SVOP: variants seen among roughly 807,000 people sequenced by gnomAD.
The protein encoded by SVOP is synaptic vesicle 2-related protein.
Under a neutral mutation model 69.1 loss-of-function variants are expected in SVOP, and 17 were observed. The ratio of observed to expected loss-of-function variants is 0.25; its 90% CI spans 0.17 to 0.37. SVOP has a LOEUF of 0.37. Ranked by LOEUF, SVOP falls within the 10% of genes least tolerant of loss-of-function variation. The pLI is 1.00. For synonymous variants in SVOP, 238 were observed against 238.6 expected (o/e 1.00, Z 0.02); for missense variants, 435 against 597.5 (o/e 0.73, Z 2.84).
intron 5 of SVOP, among the ~76,000 whole-genome samples, chr12:108,965,553 CAT>C (rs1414782121): frequency 6.6e-6 from 1 of 152,134 alleles, no homozygotes; most frequent in Non-Finnish European, 1.5e-5. Flanking sequence ...CCAAAAAACA[CAT>C]AACTTTATTT....
chr12:108,982,205 C>A (rs1229967003), intron 2 of SVOP, among the ~76,000 whole-genome samples: 1 of 151,526 alleles, frequency 6.6e-6, no homozygotes, highest in Non-Finnish European at 1.5e-5. Flanking sequence ...TCATCATGAT[C>A]TCCATCATCA....
At position 108,925,219 on chromosome 12, in the gene SVOP, ATCT is replaced by A. The variant is rs1448441948; in HGVS notation, c.1049-2425_1049-2423del. 5.9e-5 allele frequency among the ~76,000 whole-genome samples: 9 copies of A among 152,290 alleles called. No homozygotes were observed. The East Asian group carries it at 1.7e-3, about 29-fold the overall frequency. On this transcript the variant is annotated intron_variant, in intron 11 of 15. Transcript: ENST00000610966. Reference sequence around the variant, plus strand: ...GTTTATAAGCCATCCAGGAGGTCGGATCTTCAGTGTGAACTGCTTGTTTCTCCT... The same window carrying A: ...GTTTATAAGCCATCCAGGAGGTCGGATCAGTGTGAACTGCTTGTTTCTCCT...
At chr12:108,991,473 T>G (rs2040200326) in intron 1 of SVOP, among the ~76,000 whole-genome samples, 1 of 148,350 alleles carries the variant, frequency 6.7e-6, no homozygotes, top group African/African-American at 2.4e-5. Context: ...TTGTTTGTTT[T>G]GAGACAGAAT....
At chr12:108,919,148 C>T (rs1255493720) in intron 13 of SVOP, among the ~76,000 whole-genome samples, 2 of 151,548 alleles carry the variant, frequency 1.3e-5, no homozygotes, top group East Asian at 1.9e-4. Flanking sequence ...GGGCCAATAC[C>T]CACACCTGGG....
chr12:109,009,609 T>A (rs2040329891), intron 1 of SVOP, among the ~76,000 whole-genome samples: 1 of 151,988 alleles, frequency 6.6e-6, no homozygotes, highest in South Asian at 2.1e-4. Context: ...GAGATGGGGT[T>A]TCACCATGTT....
intron 1 of SVOP, among the ~76,000 whole-genome samples, chr12:109,007,795 T>G (rs1466058216): frequency 3.9e-5 from 6 of 152,114 alleles, no homozygotes; most frequent in African/African-American, 1.4e-4. Context: ...TCCCAACACT[T>G]GGGAGGCTGA....
intron 11 of SVOP, among the ~76,000 whole-genome samples, chr12:108,933,207 T>C (rs1466479908): frequency 6.6e-6 from 1 of 152,100 alleles, no homozygotes; most frequent in African/African-American, 2.4e-5. Flanking sequence ...TGTGAATAAA[T>C]AAATAAATAA....
intron 5 of SVOP, among the ~76,000 whole-genome samples, chr12:108,966,829 G>T (rs2040048407): frequency 6.6e-6 from 1 of 152,176 alleles, no homozygotes; most frequent in East Asian, 1.9e-4. Context: ...GGATAATTCA[G>T]TTATGTCTCC....
rs1338387679 is a variant in SVOP at position 108,910,651 on chromosome 12, AC to A, written c.*1883del. The A allele has an allele frequency of 6.6e-6, 1 of 152,164 alleles. No individual in the cohort carries two copies. Among genetic ancestry groups the A allele is most frequent in the Non-Finnish European group, 1.5e-5 (1 of 68,026 alleles). The allele number at this position is 152,164 out of a possible 1,614,324, so 9.4% of individuals were successfully genotyped here. On this transcript the variant is annotated 3_prime_UTR_variant, in exon 16 of 16. Coordinates refer to ENST00000610966, the MANE Select transcript of SVOP (RefSeq NM_018711.5). ...CAGTATTGTTTGCAGTTGATTTAGAACTTGAGCTGGAAGAAGTCCCCCATCA... is the reference window on the plus strand; with the variant it reads ...CAGTATTGTTTGCAGTTGATTTAGAATTGAGCTGGAAGAAGTCCCCCATCA...
At chr12:108,983,962 A>G (rs954123956) in intron 1 of SVOP, among the ~76,000 whole-genome samples, 25 of 152,318 alleles carry the variant, frequency 1.6e-4, no homozygotes, top group Admixed American at 1.6e-3. Context: ...GGACTGCCAT[A>G]TACAGTTGAG....
chr12:108,996,156 TCAG>T (rs1166749562), intron 1 of SVOP, among the ~76,000 whole-genome samples: 2 of 152,098 alleles, frequency 1.3e-5, no homozygotes, highest in African/African-American at 4.8e-5. Flanking sequence ...TCACTTGAAG[TCAG>T]GAGTTTGAGA....
chr12:108,959,046 C>T (rs371189559), intron 6 of SVOP, among the ~76,000 whole-genome samples: 1 of 152,210 alleles, frequency 6.6e-6, no homozygotes, highest in African/African-American at 2.4e-5. Flanking sequence ...CATCCTAGAA[C>T]AGGGACCATG....
rs2039690141 is a variant in SVOP, at chr12:108,912,473, T to G, written c.*62A>C. 3 of 1,604,642 alleles carry G rather than the reference T, an allele frequency of 1.9e-6. No homozygotes were observed. In the African/African-American group the frequency reaches 4.0e-5, roughly 21 times the overall value. On this transcript the variant is annotated 3_prime_UTR_variant, in exon 16 of 16. Coordinates refer to ENST00000610966, the MANE Select transcript of SVOP (RefSeq NM_018711.5). ...CGGCAGTGACAATCAGTGCCCCAGT[T>G]GGGGCCTGCCAGCCCCCCAAGCTCT...
At chr12:108,950,920 T>C (rs547585392) in intron 6 of SVOP, among the ~76,000 whole-genome samples, 1 of 152,208 alleles carries the variant, frequency 6.6e-6, no homozygotes, top group East Asian at 1.9e-4. Context: ...ATTATTATAA[T>C]CAGACTGAAA....
At chr12:109,007,419 A>G (rs1566068177) in intron 1 of SVOP, among the ~76,000 whole-genome samples, 1 of 152,180 alleles carries the variant, frequency 6.6e-6, no homozygotes, top group Non-Finnish European at 1.5e-5. Context: ...TGAGGCTCTG[A>G]CCTGTGAAAG....
Position 108,909,708 on chromosome 12 carries a change from T to C in SVOP, c.*2827A>G, listed in dbSNP as rs969212625. 4 of 152,228 alleles carry C rather than the reference T, an allele frequency of 2.6e-5. No homozygotes were observed. The highest frequency in any genetic ancestry group is 5.9e-5 in the Non-Finnish European group (4 of 68,044). 9.4% of individuals were successfully genotyped at this position (152,228 alleles called of 1,614,324 possible). ...GAAGTACGAGAAAAACAGAAATATA[T>C]AGCTCTGGCTACATTAAATATCTTT... On this transcript the variant is annotated 3_prime_UTR_variant, in exon 16 of 16. Transcript: ENST00000610966.
At chr12:108,956,660 A>G (rs36182973) in intron 6 of SVOP, among the ~76,000 whole-genome samples, 9,826 of 152,228 alleles carry the variant, frequency 0.065, 381 homozygotes, top group Middle Eastern at 0.15. Flanking sequence ...TCCTGCCCAC[A>G]AGGTCTCAGT....
chr12:109,001,592 T>A (rs1349958018), intron 1 of SVOP, among the ~76,000 whole-genome samples: 1 of 141,838 alleles, frequency 7.1e-6, no homozygotes, highest in Non-Finnish European at 1.5e-5. Context: ...AACAGCATGG[T>A]ACTGGTACCA....
At chr12:108,936,078 C>T (rs1307430163) in intron 10 of SVOP, among the ~76,000 whole-genome samples, 3 of 142,876 alleles carry the variant, frequency 2.1e-5, no homozygotes, top group Non-Finnish European at 4.7e-5. Flanking sequence ...CAGAGTCTCA[C>T]TCTGTTGCCC....
Sources: allele counts gnomAD v4.1 joint callset (sites outside exome capture counted in the v4.1 genomes callset), GRCh38; gene constraint gnomAD v4.1.1; transcripts MANE v1.5; gene names NCBI Gene and HGNC (gene_info 2026-07-23, HGNC 2026-07-21).